Variants in PDE4D observed in about 807,000 individuals in gnomAD.
The protein encoded by PDE4D is phosphodiesterase 4D.
In PDE4D, 24 loss-of-function variants were observed where a neutral mutation model predicts 87.4. The ratio of observed to expected loss-of-function variants is 0.27; its 90% CI spans 0.20 to 0.39. The LOEUF (loss-of-function observed/expected upper bound fraction) is 0.39. Ranked by LOEUF, PDE4D falls within the 10% of genes least tolerant of loss-of-function variation. The probability of loss-of-function intolerance (pLI) is 1.00; values close to 1 mark genes in which losing one functional copy is unlikely to be tolerated. For synonymous variants in PDE4D, 384 were observed against 383.2 expected (o/e 1.00, Z -0.02); for missense variants, 714 against 1,041.0 (o/e 0.69, Z 4.32).
intron 1 of PDE4D, among the ~76,000 whole-genome samples, chr5:59,498,098 A>G (rs1400662630): frequency 6.6e-6 from 1 of 151,964 alleles, no homozygotes; most frequent in Non-Finnish European, 1.5e-5. Context: ...AAAGAGAAAT[A>G]AATTCTTTCT....
At position 59,660,458 on chromosome 5, in the gene PDE4D, A is replaced by G. The variant is rs551296121; in HGVS notation, c.455+232710T>C. ...AAACAAATGTCCATGAGGCTTCATT[A>G]TTTTTTTCCTCCCTTTTCTAATTTC... On this transcript the variant is annotated intron_variant, in intron 1 of 14. Transcript: ENST00000340635. Among the ~76,000 whole-genome samples the G allele has an allele frequency of 2.6e-5, 4 of 151,992 alleles. No individual in the cohort carries two copies. The South Asian group carries it at 8.3e-4, about 32-fold the overall frequency.
At chr5:59,122,168 C>G (rs7731607) in intron 5 of PDE4D, among the ~76,000 whole-genome samples, 3 of 101,872 alleles carry the variant, frequency 2.9e-5, no homozygotes, top group East Asian at 5.3e-4. Context: ...AAAAAAAAAG[C>G]AAGAAAGAAA....
At chr5:60,021,725 T>C (rs942134822) in intron 2 of PDE4D, 2 of 152,222 alleles carry the variant, frequency 1.3e-5, no homozygotes, top group African/African-American at 4.8e-5. Context: ...ATATTGGTAT[T>C]GATACTTCTG....
chr5:59,110,979 C>T (rs1450483687), intron 5 of PDE4D, among the ~76,000 whole-genome samples: 1 of 152,166 alleles, frequency 6.6e-6, no homozygotes, highest in East Asian at 1.9e-4. Context: ...CAACCTTTAA[C>T]CAATTTATGA....
chr5:60,163,810 C>A (rs887660109), intron 2 of PDE4D, among the ~76,000 whole-genome samples: 1 of 152,088 alleles, frequency 6.6e-6, no homozygotes, highest in Non-Finnish European at 1.5e-5. Flanking sequence ...AAGAAAGGGG[C>A]AAGATTTGGA....
chr5:60,178,784 CA>C (rs958279906), intron 2 of PDE4D, among the ~76,000 whole-genome samples: 3 of 152,088 alleles, frequency 2.0e-5, no homozygotes, highest in African/African-American at 7.2e-5. Flanking sequence ...AATTTTAATA[CA>C]TTTATCTAAA....
At chr5:60,276,654 T>G (rs1751393501) in intron 1 of PDE4D, among the ~76,000 whole-genome samples, 1 of 152,212 alleles carries the variant, frequency 6.6e-6, no homozygotes, top group Non-Finnish European at 1.5e-5. Flanking sequence ...ACAAATTCTC[T>G]CTGACTACAC....
intron 6 of PDE4D, among the ~76,000 whole-genome samples, chr5:59,018,773 T>C (rs374208940): frequency 8.5e-5 from 13 of 152,272 alleles, no homozygotes; most frequent in African/African-American, 2.6e-4. Flanking sequence ...CTAATGTTTA[T>C]TGAGGGTCTA....
chr5:60,031,252 CT>C (rs1286696132), intron 2 of PDE4D, among the ~76,000 whole-genome samples: 2 of 152,278 alleles, frequency 1.3e-5, no homozygotes, highest in South Asian at 2.1e-4. Context: ...CAAGAAGAGG[CT>C]TTTTGCTTTA....
intron 1 of PDE4D, among the ~76,000 whole-genome samples, chr5:60,305,282 A>C (rs900822548): frequency 4.6e-5 from 7 of 152,138 alleles, no homozygotes; most frequent in African/African-American, 1.4e-4. Flanking sequence ...GTAAAATGAA[A>C]AGGGAGAGAG....
intron 1 of PDE4D, among the ~76,000 whole-genome samples, chr5:59,880,444 A>G (rs1218765695): frequency 6.6e-6 from 1 of 152,174 alleles, no homozygotes; most frequent in Non-Finnish European, 1.5e-5. Flanking sequence ...AGATGTAGTG[A>G]CAAAAATTCA....
chr5:59,572,449 A>T (rs1220868541), intron 1 of PDE4D, among the ~76,000 whole-genome samples: 1 of 151,900 alleles, frequency 6.6e-6, no homozygotes, highest in Non-Finnish European at 1.5e-5. Context: ...AATCTGGTAC[A>T]CAGGTTTTTT....
At chr5:59,456,477 C>G (rs1264425695) in intron 1 of PDE4D, among the ~76,000 whole-genome samples, 1 of 152,148 alleles carries the variant, frequency 6.6e-6, no homozygotes, top group Non-Finnish European at 1.5e-5. Flanking sequence ...TCTTTTTCTT[C>G]CCAGTCTCGG....
chr5:59,753,959 G>GT (rs1443102086), intron 1 of PDE4D, among the ~76,000 whole-genome samples: 2 of 152,198 alleles, frequency 1.3e-5, no homozygotes, highest in Admixed American at 1.3e-4. Flanking sequence ...TGGAACTTCT[G>GT]TTTTTTTACT....
At chr5:60,284,530 C>A (rs1457619289) in intron 1 of PDE4D, among the ~76,000 whole-genome samples, 1 of 152,152 alleles carries the variant, frequency 6.6e-6, no homozygotes, top group South Asian at 2.1e-4. Flanking sequence ...GTGTTATCTG[C>A]TTTTAGCTAA....
chr5:60,159,149 G>A (rs1443948890), intron 2 of PDE4D, among the ~76,000 whole-genome samples: 1 of 152,066 alleles, frequency 6.6e-6, no homozygotes, highest in Non-Finnish European at 1.5e-5. Flanking sequence ...GCCTACACAG[G>A]ATAAGGATCA....
chr5:59,474,205 T>G (rs1802913737), intron 1 of PDE4D, among the ~76,000 whole-genome samples: 1 of 152,152 alleles, frequency 6.6e-6, no homozygotes, highest in African/African-American at 2.4e-5. Context: ...CCTGCTAGTA[T>G]TTTATTTCTT....
chr5:59,364,217 T>C (rs532072354), intron 1 of PDE4D, among the ~76,000 whole-genome samples: 1 of 152,328 alleles, frequency 6.6e-6, no homozygotes, highest in South Asian at 2.1e-4. Flanking sequence ...AATAAGACAA[T>C]TGGACTGGTT....
rs1100917 is a variant in PDE4D at position 60,091,240 on chromosome 5, G to T, written c.42+94317C>A. Among the ~76,000 whole-genome samples the T allele has an allele frequency of 3.3e-5, 5 of 151,998 alleles. No individual in the cohort carries two copies. In the East Asian group the frequency reaches 5.8e-4, roughly 18 times the overall value. On this transcript the variant is annotated intron_variant, in intron 2 of 16. Coordinates refer to the PDE4D transcript ENST00000502484. ...ACCTGTTAAATGAGAGAAAATATTC[G>T]CAAACTATTCATTTGACAAGGGACT...
Sources: gnomAD v4.1 joint callset for allele counts (sites outside exome capture counted in the v4.1 genomes callset) on GRCh38, gnomAD v4.1.1 for gene constraint, MANE v1.5 for transcripts, NCBI Gene and HGNC (gene_info 2026-07-23, HGNC 2026-07-21) for gene names.